Variants in ATRNL1 observed in about 807,000 individuals in gnomAD.
ATRNL1 encodes attractin like 1.
In ATRNL1, 95 loss-of-function variants were observed where a neutral mutation model predicts 182.7. The observed-to-expected ratio is 0.52, with a 90% CI of 0.44 to 0.62. The LOEUF is 0.62. Among genes scored for constraint, ATRNL1 ranks in the 20% least tolerant of loss-of-function variants. ATRNL1 has a pLI of 0.00. For missense variants in ATRNL1, 1,471 were observed against 1,679.5 expected, an observed-to-expected ratio of 0.88 and a Z score of 2.17; for synonymous variants, 576 against 568.3, an observed-to-expected ratio of 1.01 and a Z score of -0.19.
chr10:115,356,645 C>T (rs1856515848), intron 19 of ATRNL1, among the ~76,000 whole-genome samples: 1 of 151,722 alleles, frequency 6.6e-6, no homozygotes, highest in South Asian at 2.1e-4. Flanking sequence ...CCCAAAGTTC[C>T]CCTGGGGAAC....
At chr10:115,302,567 C>T (rs1478056784) in intron 17 of ATRNL1, among the ~76,000 whole-genome samples, 1 of 152,158 alleles carries the variant, frequency 6.6e-6, no homozygotes, top group African/African-American at 2.4e-5. Flanking sequence ...GTATAGAATG[C>T]ACAGTCTTGA....
chr10:115,221,965 G>C (rs1216975507), intron 9 of ATRNL1, among the ~76,000 whole-genome samples: 9 of 151,454 alleles, frequency 5.9e-5, no homozygotes, highest in Non-Finnish European at 8.8e-5. Flanking sequence ...AAAAAAAAAA[G>C]CTCGGAAGAA....
At chr10:115,671,160 G>C (rs1945686243) in intron 26 of ATRNL1, among the ~76,000 whole-genome samples, 2 of 152,074 alleles carry the variant, frequency 1.3e-5, no homozygotes, top group Non-Finnish European at 2.9e-5. Flanking sequence ...CCAAGCTAGA[G>C]GTCAGATCAG....
intron 26 of ATRNL1, among the ~76,000 whole-genome samples, chr10:115,716,534 A>C (rs1947257198): frequency 6.6e-6 from 1 of 152,168 alleles, no homozygotes; most frequent in Middle Eastern, 3.2e-3. Flanking sequence ...TTAACCTAGA[A>C]GCTAGCATGT....
chr10:115,243,396 T>C (rs1369107125), intron 10 of ATRNL1, among the ~76,000 whole-genome samples: 8 of 152,126 alleles, frequency 5.3e-5, no homozygotes, highest in African/African-American at 1.9e-4. Context: ...CTACTATTTA[T>C]TTAATTTCCT....
chr10:115,252,297 G>T (rs1013929670), intron 10 of ATRNL1, among the ~76,000 whole-genome samples: 1 of 152,090 alleles, frequency 6.6e-6, no homozygotes, highest in Admixed American at 6.6e-5. Flanking sequence ...AAAGTGCTGG[G>T]ATTACAGGCG....
chr10:115,418,823 C>T lies in ATRNL1; in HGVS notation c.3270-7427C>T, dbSNP rs369507859. On this transcript the variant is annotated intron_variant, in intron 20 of 28. Coordinates refer to ENST00000355044, the MANE Select transcript of ATRNL1 (RefSeq NM_207303.4). Reference sequence around the variant, plus strand: ...CAGAATGTGGAAGGAAACTACCTGCCAACCAAGAATACTATAGGCAGAAAA... The same window carrying T: ...CAGAATGTGGAAGGAAACTACCTGCTAACCAAGAATACTATAGGCAGAAAA... 2.9e-4 allele frequency among the ~76,000 whole-genome samples: 44 copies of T among 152,168 alleles called. No homozygotes were observed. The South Asian group carries it at 8.9e-3, about 31-fold the overall frequency.
rs187077111 is a variant in ATRNL1 at position 115,610,608 on chromosome 10, A to C, written c.3795+61072A>C. On this transcript the variant is annotated intron_variant, in intron 26 of 28. Coordinates refer to ENST00000355044, the MANE Select transcript of ATRNL1 (RefSeq NM_207303.4). The stretch of plus-strand genomic sequence containing the variant: ...GAGCCAGTTTTTCATCATGTTATTA[A>C]ATGTCTTTTGAGCCCAATTTTTTAT... Among the ~76,000 whole-genome samples the C allele has an allele frequency of 2.4e-3, 369 of 152,116 alleles. 2 individuals are homozygous for C. Among genetic ancestry groups the C allele is most frequent in the South Asian group, 0.023 (109 of 4,828 alleles).
At chr10:115,442,246 G>A (rs537206515) in intron 21 of ATRNL1, among the ~76,000 whole-genome samples, 120 of 135,654 alleles carry the variant, frequency 8.8e-4, no homozygotes, top group African/African-American at 3.1e-3. Flanking sequence ...CTCAAACAGC[G>A]CAGCTTCATT....
At chr10:115,663,912 G>A (rs1555038920) in intron 26 of ATRNL1, among the ~76,000 whole-genome samples, 1 of 152,108 alleles carries the variant, frequency 6.6e-6, no homozygotes. Flanking sequence ...CTCCGATGTA[G>A]CCAAAGAAGT....
At chr10:115,259,231 G>A (rs1851292073) in intron 10 of ATRNL1, among the ~76,000 whole-genome samples, 1 of 152,216 alleles carries the variant, frequency 6.6e-6, no homozygotes, top group African/African-American at 2.4e-5. Flanking sequence ...CACAGAGGTG[G>A]AGTCTAGAGA....
intron 8 of ATRNL1, among the ~76,000 whole-genome samples, chr10:115,189,768 G>A (rs1434740437): frequency 2.6e-5 from 4 of 152,034 alleles, no homozygotes; most frequent in African/African-American, 9.7e-5. Flanking sequence ...AAAATTTAGT[G>A]TTGACTAAGT....
intron 14 of ATRNL1, among the ~76,000 whole-genome samples, chr10:115,282,343 G>T (rs552863411): frequency 3.7e-4 from 55 of 150,512 alleles, no homozygotes; most frequent in African/African-American, 1.3e-3. Flanking sequence ...GTGCCATGCT[G>T]GTGTGCTGCA....
rs55718485 is a variant in ATRNL1, at chr10:115,354,723, T to C, written c.3175+20304T>C. 7.7e-3 allele frequency among the ~76,000 whole-genome samples: 1,165 copies of C among 152,220 alleles called. 16 individuals are homozygous for C. The highest frequency in any genetic ancestry group is 0.027 in the African/African-American group (1,115 of 41,568). ...TTCACCTTCTTTACCTAAATGTTCG[T>C]ATCTTTTTCTAGGTTTGAAAAGTTC... On this transcript the variant is annotated intron_variant, in intron 19 of 28. Coordinates refer to ENST00000355044, the MANE Select transcript of ATRNL1 (RefSeq NM_207303.4).
At chr10:115,897,640 C>T (rs1416998834) in intron 28 of ATRNL1, among the ~76,000 whole-genome samples, 1 of 152,096 alleles carries the variant, frequency 6.6e-6, no homozygotes, top group Non-Finnish European at 1.5e-5. Context: ...CAGGCACTCT[C>T]GGCTCCAGCT....
intron 8 of ATRNL1, among the ~76,000 whole-genome samples, chr10:115,178,572 A>G (rs1315929430): frequency 1.3e-5 from 2 of 152,158 alleles, no homozygotes; most frequent in African/African-American, 4.8e-5. Context: ...TCCAAAATTC[A>G]TGTTGAAACC....
At chr10:115,553,481 T>C (rs1400869246) in intron 26 of ATRNL1, among the ~76,000 whole-genome samples, 1 of 151,416 alleles carries the variant, frequency 6.6e-6, no homozygotes, top group Non-Finnish European at 1.5e-5. Context: ...ATTTCTCACA[T>C]ATTACACTTC....
intron 26 of ATRNL1, among the ~76,000 whole-genome samples, chr10:115,587,359 T>C (rs1855592385): frequency 6.6e-6 from 1 of 151,844 alleles, no homozygotes; most frequent in Non-Finnish European, 1.5e-5. Context: ...TCCCCCAGCC[T>C]CGCTGCCGCC....
intron 26 of ATRNL1, among the ~76,000 whole-genome samples, chr10:115,688,121 C>T (rs10787588): frequency 0.37 from 56,974 of 151,952 alleles, 11,530 homozygotes; most frequent in East Asian, 0.58. Flanking sequence ...CCAGTTCCAT[C>T]CATGTTGCTG....
Sources: allele counts gnomAD v4.1 joint callset (sites outside exome capture counted in the v4.1 genomes callset), GRCh38; gene constraint gnomAD v4.1.1; transcripts MANE v1.5; gene names NCBI Gene and HGNC (gene_info 2026-07-23, HGNC 2026-07-21).